Variants in CTNNA2 observed in about 807,000 individuals in gnomAD.
CTNNA2 encodes the protein catenin alpha-2.
Under a neutral mutation model 101.0 loss-of-function variants are expected in CTNNA2, and 42 were observed. The observed-to-expected ratio is 0.42, with a 90% CI of 0.32 to 0.54. CTNNA2 has a LOEUF of 0.54. Ranked by LOEUF, CTNNA2 falls within the 20% of genes least tolerant of loss-of-function variation. The pLI is 0.14. For missense variants in CTNNA2, 871 were observed against 1,223.1 expected, an observed-to-expected ratio of 0.71 and a Z score of 4.29; for synonymous variants, 450 against 456.4, an observed-to-expected ratio of 0.99 and a Z score of 0.18.
chr2:79,562,917 AAG>A (rs1674871556), intron 1 of CTNNA2, among the ~76,000 whole-genome samples: 1 of 151,838 alleles, frequency 6.6e-6, no homozygotes, highest in African/African-American at 2.4e-5. Context: ...GACAGAGATA[AAG>A]AGAGAAAAGA....
chr2:79,445,228 G>C (rs530290284), intron 4 of CTNNA2, among the ~76,000 whole-genome samples: 1 of 152,022 alleles, frequency 6.6e-6, no homozygotes, highest in East Asian at 1.9e-4. Flanking sequence ...GAAGATTTTT[G>C]ACTTACAAAG....
chr2:80,479,780 T>C (rs943502013), intron 9 of CTNNA2, among the ~76,000 whole-genome samples: 3 of 152,208 alleles, frequency 2.0e-5, no homozygotes, highest in African/African-American at 7.2e-5. Flanking sequence ...CAAAACTGAT[T>C]TATTGAAAAC....
intron 7 of CTNNA2, among the ~76,000 whole-genome samples, chr2:79,939,018 G>A (rs748062808): frequency 1.8e-4 from 27 of 152,106 alleles, no homozygotes; most frequent in Admixed American, 8.5e-4. Flanking sequence ...TGTGCACTGG[G>A]TTCCAACATA....
Position 80,341,158 on chromosome 2 carries a change from AT to A in CTNNA2, c.1057-52044del, listed in dbSNP as rs576915905. 1.9e-4 allele frequency among the ~76,000 whole-genome samples: 29 copies of A among 151,238 alleles called. No individual in the cohort carries two copies. In the East Asian group the frequency reaches 2.7e-3, roughly 14 times the overall value. On this transcript the variant is annotated intron_variant, in intron 7 of 18. Coordinates refer to ENST00000402739, the MANE Select transcript of CTNNA2 (RefSeq NM_001282597.3). ...GTTCTCTGAACCTTGATGTTTAGAGATTTTTTTTTAATGGAGGTTTCATCAT... is the reference window on the plus strand; with the variant it reads ...GTTCTCTGAACCTTGATGTTTAGAGATTTTTTTTAATGGAGGTTTCATCAT...
At chr2:80,222,970 G>A (rs1422977473) in intron 7 of CTNNA2, among the ~76,000 whole-genome samples, 5 of 152,144 alleles carry the variant, frequency 3.3e-5, no homozygotes, top group African/African-American at 9.7e-5. Context: ...TAATTTGGGG[G>A]TTATATTAGT....
rs548395530 is a variant in CTNNA2 at position 79,575,422 on chromosome 2, C to T, written c.-6+62215C>T. 5.9e-5 allele frequency: 9 copies of T among 152,268 alleles called. No individual in the cohort carries two copies. The East Asian group carries it at 1.7e-3, about 29-fold the overall frequency. The allele number at this position is 152,268 out of a possible 1,614,324, so 9.4% of individuals were successfully genotyped here. The stretch of plus-strand genomic sequence containing the variant: ...TCTCCACTGAGTTGGTTTGAATGCC[C>T]TCCTCAAGGAATATGAAACTTCCTT... On this transcript the variant is annotated intron_variant, in intron 1 of 18. Transcript: ENST00000402739.
At chr2:79,257,780 C>T (rs1195304299) in intron 2 of CTNNA2, among the ~76,000 whole-genome samples, 1 of 150,412 alleles carries the variant, frequency 6.6e-6, no homozygotes, top group Non-Finnish European at 1.5e-5. Flanking sequence ...CCCAGGGCTG[C>T]CAAGCACCAA....
intron 7 of CTNNA2, among the ~76,000 whole-genome samples, chr2:80,112,212 G>A (rs1701257955): frequency 1.3e-5 from 2 of 152,056 alleles, no homozygotes; most frequent in African/African-American, 4.8e-5. Flanking sequence ...GCAGAGATTT[G>A]TTTTTACATT....
chr2:79,971,498 G>A (rs1019997240), intron 7 of CTNNA2, among the ~76,000 whole-genome samples: 1 of 152,080 alleles, frequency 6.6e-6, no homozygotes, highest in Non-Finnish European at 1.5e-5. Context: ...CAGGTGCTAT[G>A]TTAAGCACTT....
chr2:80,016,355 C>T (rs971111488), intron 7 of CTNNA2, among the ~76,000 whole-genome samples: 3 of 152,070 alleles, frequency 2.0e-5, no homozygotes, highest in Non-Finnish European at 4.4e-5. Context: ...TACGGAGTGC[C>T]AGGCTGCTCA....
chr2:79,767,127 A>G (rs1394163707), intron 3 of CTNNA2, among the ~76,000 whole-genome samples: 1 of 151,976 alleles, frequency 6.6e-6, no homozygotes, highest in Non-Finnish European at 1.5e-5. Flanking sequence ...TTATGCAATT[A>G]AAAGACTCTA....
At chr2:80,196,002 C>G (rs992750677) in intron 7 of CTNNA2, among the ~76,000 whole-genome samples, 1 of 152,132 alleles carries the variant, frequency 6.6e-6, no homozygotes, top group Non-Finnish European at 1.5e-5. Flanking sequence ...CACTATCAAA[C>G]AGTAAATGAA....
At chr2:79,300,061 C>T (rs1295874908) in intron 2 of CTNNA2, among the ~76,000 whole-genome samples, 1 of 152,122 alleles carries the variant, frequency 6.6e-6, no homozygotes, top group African/African-American at 2.4e-5. Context: ...TGATACATCA[C>T]TAACAGATTT....
At chr2:80,624,533 G>A (rs1331160368) in intron 18 of CTNNA2, among the ~76,000 whole-genome samples, 1 of 151,894 alleles carries the variant, frequency 6.6e-6, no homozygotes, top group Non-Finnish European at 1.5e-5. Flanking sequence ...ATGAAAATGA[G>A]CCCTGGTTGA....
At chr2:79,796,160 C>T (rs1308093278) in intron 3 of CTNNA2, among the ~76,000 whole-genome samples, 1 of 152,046 alleles carries the variant, frequency 6.6e-6, no homozygotes, top group African/African-American at 2.4e-5. Context: ...GACAGGCACC[C>T]GTCTTAACAC....
chr2:79,479,274 G>T (rs1671083439), intron 4 of CTNNA2, among the ~76,000 whole-genome samples: 1 of 152,108 alleles, frequency 6.6e-6, no homozygotes, highest in Non-Finnish European at 1.5e-5. Context: ...AAGTCCCCTT[G>T]ATGGGCTGGA....
At chr2:80,472,003 G>A (rs1392257591) in intron 9 of CTNNA2, among the ~76,000 whole-genome samples, 1 of 152,102 alleles carries the variant, frequency 6.6e-6, no homozygotes, top group Non-Finnish European at 1.5e-5. Context: ...GCACATGCCT[G>A]TAATCCCAGC....
At chr2:79,523,229 G>C (rs1339803398) in intron 1 of CTNNA2, 2 of 446,668 alleles carry the variant, frequency 4.5e-6, no homozygotes, top group Non-Finnish European at 9.0e-6. Flanking sequence ...GGGTTGATCT[G>C]CCTTCAATAT....
chr2:79,708,354 A>G (rs925861126), intron 2 of CTNNA2, among the ~76,000 whole-genome samples: 23 of 152,096 alleles, frequency 1.5e-4, no homozygotes, highest in Admixed American at 1.2e-3. Flanking sequence ...TTTTCACCCT[A>G]TTTATATTCC....
Sources: gnomAD v4.1 joint callset for allele counts (sites outside exome capture counted in the v4.1 genomes callset) on GRCh38, gnomAD v4.1.1 for gene constraint, MANE v1.5 for transcripts, NCBI Gene and HGNC (gene_info 2026-07-23, HGNC 2026-07-21) for gene names.